The following PXDNL variants were observed in gnomAD, a reference collection of about 807,000 sequenced individuals.
PXDNL encodes the protein peroxidasin like.
Under a neutral mutation model 150.8 loss-of-function variants are expected in PXDNL, and 145 were observed. The observed-to-expected ratio is 0.96, with a 90% CI of 0.84 to 1.10. The LOEUF is 1.10. PXDNL is among the 50% of genes least tolerant of loss of function. The probability of loss-of-function intolerance (pLI) is 0.00; values close to 1 mark genes in which losing one functional copy is unlikely to be tolerated. For missense variants in PXDNL, 2,087 were observed against 1,873.9 expected (o/e 1.11, Z -2.10); for synonymous variants, 757 against 725.7 (o/e 1.04, Z -0.69).
chr8:51,406,530 C>T (rs1365196938), intron 17 of PXDNL, among the ~76,000 whole-genome samples: 3 of 152,124 alleles, frequency 2.0e-5, no homozygotes, highest in African/African-American at 7.2e-5. Context: ...CTTTAAAACC[C>T]GTCCCCTATT....
At chr8:51,691,090 T>C (rs1279645326) in intron 1 of PXDNL, among the ~76,000 whole-genome samples, 1 of 152,222 alleles carries the variant, frequency 6.6e-6, no homozygotes, top group Non-Finnish European at 1.5e-5. Flanking sequence ...GATGAGCAGG[T>C]TGCAAAAGTT....
At position 51,592,317 on chromosome 8, in the gene PXDNL, T is replaced by A. The variant is rs763988239; in HGVS notation, c.308+310A>T. On this transcript the variant is annotated intron_variant, in intron 3 of 22. Transcript: ENST00000356297. ...AAACCCTTTTCTGTGTGTATGGAATTTTTTTAAATTACTGAGTAATTAAAT... is the reference window on the plus strand; with the variant it reads ...AAACCCTTTTCTGTGTGTATGGAATATTTTTAAATTACTGAGTAATTAAAT... Among the ~76,000 whole-genome samples the A allele has an allele frequency of 6.8e-4, 103 of 152,350 alleles. 1 individual carries two copies. The highest frequency in any genetic ancestry group is 1.2e-3 in the Non-Finnish European group (81 of 68,030).
At chr8:51,334,655 G>A (rs544545171) in intron 21 of PXDNL, among the ~76,000 whole-genome samples, 11 of 152,156 alleles carry the variant, frequency 7.2e-5, no homozygotes, top group South Asian at 6.2e-4. Flanking sequence ...TGACACCACC[G>A]GAATGCAAAA....
At chr8:51,608,007 A>G (rs1813883335) in intron 2 of PXDNL, among the ~76,000 whole-genome samples, 1 of 55,352 alleles carries the variant, frequency 1.8e-5, no homozygotes, top group Non-Finnish European at 3.3e-5. Context: ...GGAAGGAAGA[A>G]AGAAAGAAAG....
At chr8:51,606,981 C>T (rs1025502371) in intron 2 of PXDNL, among the ~76,000 whole-genome samples, 1 of 152,084 alleles carries the variant, frequency 6.6e-6, no homozygotes, top group Non-Finnish European at 1.5e-5. Flanking sequence ...CTAAAAATGC[C>T]CTATAACCCA....
At chr8:51,687,806 T>C (rs939216539) in intron 1 of PXDNL, among the ~76,000 whole-genome samples, 1 of 151,922 alleles carries the variant, frequency 6.6e-6, no homozygotes, top group African/African-American at 2.4e-5. Flanking sequence ...TCCATGGGAG[T>C]GGAGGGAAAG....
intron 17 of PXDNL, among the ~76,000 whole-genome samples, chr8:51,403,140 C>T (rs1356441164): frequency 6.6e-6 from 1 of 150,436 alleles, no homozygotes; most frequent in Non-Finnish European, 1.5e-5. Flanking sequence ...CAGTGTGATT[C>T]TTGAGAGCAA....
intron 19 of PXDNL, among the ~76,000 whole-genome samples, chr8:51,351,219 G>T (rs1309356203): frequency 6.6e-6 from 1 of 152,172 alleles, no homozygotes; most frequent in Non-Finnish European, 1.5e-5. Flanking sequence ...AAATTCATAT[G>T]TTGAAATTCT....
intron 2 of PXDNL, among the ~76,000 whole-genome samples, chr8:51,644,789 T>C (rs1223775337): frequency 6.6e-6 from 1 of 151,750 alleles, no homozygotes; most frequent in Non-Finnish European, 1.5e-5. Flanking sequence ...TAAAAGCCTA[T>C]AGTAGCAGCA....
chr8:51,621,943 CAAA>C (rs71237221), intron 2 of PXDNL, among the ~76,000 whole-genome samples: 3 of 128,200 alleles, frequency 2.3e-5, no homozygotes. Context: ...GACCCTGTCT[CAAA>C]AAAAAAAAAA....
At chr8:51,436,516 CA>C (rs1809412147) in intron 12 of PXDNL, 1 of 293,968 alleles carries the variant, frequency 3.4e-6, no homozygotes, top group Non-Finnish European at 7.0e-6. Context: ...TCCCACTGTT[CA>C]GACCACAGTG....
At chr8:51,564,105 A>T (rs1283731111) in intron 3 of PXDNL, among the ~76,000 whole-genome samples, 2 of 152,144 alleles carry the variant, frequency 1.3e-5, no homozygotes, top group East Asian at 3.9e-4. Context: ...GTATAAAAGG[A>T]CACTTGCTAT....
At position 51,381,395 on chromosome 8, in the gene PXDNL, C is replaced by T. The variant is rs539842465; in HGVS notation, c.3558-6664G>A. ...GTAAAAAAAAAAATTTTGTCCAAGG[C>T]TACACCAACCTCCAAAATAAGTAAA... On this transcript the variant is annotated intron_variant, in intron 17 of 22. Transcript: ENST00000356297. Among the ~76,000 whole-genome samples the T allele has an allele frequency of 2.0e-5, 3 of 152,094 alleles. No individual in the cohort carries two copies. In the East Asian group the frequency reaches 5.8e-4, roughly 29 times the overall value.
intron 1 of PXDNL, among the ~76,000 whole-genome samples, chr8:51,800,320 CTTCTCTG>C (rs1455375185): frequency 1.3e-5 from 2 of 152,126 alleles, no homozygotes; most frequent in Non-Finnish European, 2.9e-5. Flanking sequence ...TATTGTCTAT[CTTCTCTG>C]TTCTCTGCCC....
At chr8:51,607,034 C>A (rs564888017) in intron 2 of PXDNL, among the ~76,000 whole-genome samples, 3 of 152,288 alleles carry the variant, frequency 2.0e-5, no homozygotes, top group African/African-American at 7.2e-5. Context: ...CAAAGTAAAA[C>A]TTATGTGTTT....
chr8:51,626,361 C>T (rs1440437043), intron 2 of PXDNL, among the ~76,000 whole-genome samples: 1 of 152,182 alleles, frequency 6.6e-6, no homozygotes, highest in African/African-American at 2.4e-5. Context: ...CATTCTCTAT[C>T]TCAATCCATG....
At chr8:51,343,408 T>C (rs898815948) in intron 20 of PXDNL, among the ~76,000 whole-genome samples, 1 of 152,224 alleles carries the variant, frequency 6.6e-6, no homozygotes, top group Non-Finnish European at 1.5e-5. Flanking sequence ...GAGCTCTTCT[T>C]ACCTTTTTAT....
At chr8:51,425,988 T>A (rs938378982) in intron 13 of PXDNL, among the ~76,000 whole-genome samples, 1 of 152,188 alleles carries the variant, frequency 6.6e-6, no homozygotes, top group Non-Finnish European at 1.5e-5. Flanking sequence ...GGAAAACAGT[T>A]TTGTAACCTT....
chr8:51,449,581 A>G (rs1481700153), intron 10 of PXDNL, among the ~76,000 whole-genome samples: 1 of 152,240 alleles, frequency 6.6e-6, no homozygotes, highest in Non-Finnish European at 1.5e-5. Flanking sequence ...AACACTTGAA[A>G]TTATACTTTT....
Sources: allele counts gnomAD v4.1 joint callset (sites outside exome capture counted in the v4.1 genomes callset), GRCh38; gene constraint gnomAD v4.1.1; transcripts MANE v1.5; gene names NCBI Gene and HGNC (gene_info 2026-07-23, HGNC 2026-07-21).